The following GALNT13 variants were observed in gnomAD, a reference collection of about 807,000 sequenced individuals.
GALNT13 encodes UDP-GalNAc:polypeptide N-acetylgalactosaminyltransferase 13.
A neutral mutation model predicts 64.2 loss-of-function variants in GALNT13; 28 were observed. The observed-to-expected ratio is 0.44, with a 90% CI of 0.32 to 0.60. The LOEUF (loss-of-function observed/expected upper bound fraction) is 0.60. Ranked by LOEUF, GALNT13 falls within the 20% of genes least tolerant of loss-of-function variation. The probability of loss-of-function intolerance (pLI) is 0.05; values close to 1 mark genes in which losing one functional copy is unlikely to be tolerated. For synonymous variants in GALNT13, 214 were observed against 224.6 expected, an observed-to-expected ratio of 0.95 and a Z score of 0.42; for missense variants, 577 against 669.8, an observed-to-expected ratio of 0.86 and a Z score of 1.53.
At chr2:153,736,463 C>A in the GALNT13 span, among the ~76,000 whole-genome samples, 1 of 152,136 alleles carries the variant, frequency 6.6e-6, no homozygotes, top group Non-Finnish European at 1.5e-5. Context: ...ATAGTGAATT[C>A]TGTTTCAGAA....
the GALNT13 span, among the ~76,000 whole-genome samples, chr2:153,272,508 A>G: frequency 0.83 from 126,485 of 152,196 alleles, 53,812 homozygotes; most frequent in African/African-American, 0.93. Flanking sequence ...ACATATGAAA[A>G]AAAAGCTCAT....
chr2:154,258,971 A>G (rs758593070), intron 7 of GALNT13, 50 bp from the exon 8 acceptor site: 5 of 962,768 alleles, frequency 5.2e-6, no homozygotes, highest in Non-Finnish European at 5.1e-6. Context: ...ATTAAACTCC[A>G]TACATTGTTT....
intron 9 of GALNT13, among the ~76,000 whole-genome samples, chr2:154,364,561 G>T (rs1697254262): frequency 6.6e-6 from 1 of 152,178 alleles, no homozygotes; most frequent in Non-Finnish European, 1.5e-5. Flanking sequence ...TTAAAATGCG[G>T]TTATCTAACA....
chr2:153,372,002 G>T, the GALNT13 span, among the ~76,000 whole-genome samples: 1 of 152,014 alleles, frequency 6.6e-6, no homozygotes, highest in Non-Finnish European at 1.5e-5. Flanking sequence ...CTTTTCTCTG[G>T]GGCTGCTTAC....
intron 8 of GALNT13, among the ~76,000 whole-genome samples, chr2:154,283,216 T>G (rs1692062565): frequency 6.6e-6 from 1 of 151,876 alleles, no homozygotes; most frequent in Non-Finnish European, 1.5e-5. Context: ...TGATAGGGAT[T>G]TTTTTTTATT....
intron 3 of GALNT13, among the ~76,000 whole-genome samples, chr2:154,102,650 T>C (rs569523403): frequency 9.9e-5 from 15 of 152,100 alleles, no homozygotes; most frequent in African/African-American, 3.6e-4. Context: ...TAACCAAACA[T>C]GACGTGTTCC....
chr2:153,736,560 T>C, the GALNT13 span, among the ~76,000 whole-genome samples: 1 of 152,180 alleles, frequency 6.6e-6, no homozygotes, highest in East Asian at 1.9e-4. Context: ...TAAGAACATG[T>C]ATATGTTCAT....
chr2:153,248,592 T>A, the GALNT13 span, among the ~76,000 whole-genome samples: 3 of 151,740 alleles, frequency 2.0e-5, no homozygotes, highest in Non-Finnish European at 4.4e-5. Context: ...GGAGGGCAGA[T>A]CACGAGGTCA....
At chr2:153,631,426 A>C in the GALNT13 span, among the ~76,000 whole-genome samples, 1 of 152,200 alleles carries the variant, frequency 6.6e-6, no homozygotes, top group Admixed American at 6.5e-5. Flanking sequence ...CAGTCCTATC[A>C]ACAGTGTAAA....
At chr2:154,275,918 A>G (rs1691624292) in intron 8 of GALNT13, among the ~76,000 whole-genome samples, 1 of 152,194 alleles carries the variant, frequency 6.6e-6, no homozygotes, top group Non-Finnish European at 1.5e-5. Flanking sequence ...TGTGACCTGG[A>G]TGTGAGACAT....
chr2:153,574,125 TA>T, the GALNT13 span, among the ~76,000 whole-genome samples: 1 of 72,694 alleles, frequency 1.4e-5, no homozygotes, highest in African/African-American at 5.0e-5. Context: ...TATTGTAAGG[TA>T]AAGTTTTTTT....
chr2:153,175,302 T>G, the GALNT13 span, among the ~76,000 whole-genome samples: 5 of 152,202 alleles, frequency 3.3e-5, no homozygotes, highest in East Asian at 7.7e-4. Flanking sequence ...ATTCTACTTC[T>G]GTCTGTTTGT....
At chr2:153,675,014 T>C in the GALNT13 span, among the ~76,000 whole-genome samples, 3 of 152,150 alleles carry the variant, frequency 2.0e-5, no homozygotes, top group Admixed American at 6.5e-5. Context: ...TCATGCAAGT[T>C]AGAATGGTGA....
intron 3 of GALNT13, among the ~76,000 whole-genome samples, chr2:154,119,262 T>C (rs1458666944): frequency 6.6e-6 from 1 of 152,182 alleles, no homozygotes; most frequent in Non-Finnish European, 1.5e-5. Context: ...TATTCAAATT[T>C]CTCTTGGCCT....
intron 1 of GALNT13, among the ~76,000 whole-genome samples, chr2:153,894,430 T>C (rs892131218): frequency 6.6e-6 from 1 of 152,058 alleles, no homozygotes; most frequent in Non-Finnish European, 1.5e-5. Context: ...TAAATATTGG[T>C]TGTGTACAAA....
the GALNT13 span, among the ~76,000 whole-genome samples, chr2:153,301,564 C>T: frequency 5.8e-3 from 889 of 152,010 alleles, 8 homozygotes; most frequent in African/African-American, 0.02. Context: ...AATCTACTCT[C>T]TTAGCAATTT....
At chr2:153,320,348 G>A in the GALNT13 span, among the ~76,000 whole-genome samples, 1 of 152,006 alleles carries the variant, frequency 6.6e-6, no homozygotes, top group Non-Finnish European at 1.5e-5. Flanking sequence ...TCATTTATTT[G>A]TTCACTTATT....
At chr2:153,514,552 G>A in the GALNT13 span, among the ~76,000 whole-genome samples, 1 of 152,108 alleles carries the variant, frequency 6.6e-6, no homozygotes, top group African/African-American at 2.4e-5. Context: ...AGGGATGTGA[G>A]ATGAGGACCT....
the GALNT13 span, among the ~76,000 whole-genome samples, chr2:153,208,769 C>G: frequency 1.3e-5 from 2 of 152,044 alleles, no homozygotes; most frequent in Non-Finnish European, 2.9e-5. Flanking sequence ...ATTCCACCAG[C>G]AACATATGAG....
Sources: gnomAD v4.1 joint callset for allele counts (sites outside exome capture counted in the v4.1 genomes callset) on GRCh38, gnomAD v4.1.1 for gene constraint, MANE v1.5 for transcripts, NCBI Gene and HGNC (gene_info 2026-07-23, HGNC 2026-07-21) for gene names.